Variants in DYNC1I1 observed in about 807,000 individuals in gnomAD.
DYNC1I1 encodes the protein dynein cytoplasmic 1 intermediate chain 1.
A neutral mutation model predicts 86.6 loss-of-function variants in DYNC1I1; 43 were observed. That is an observed-to-expected ratio of 0.50 (90% CI 0.39 to 0.64). DYNC1I1 has a LOEUF of 0.64. DYNC1I1 is among the 30% of genes least tolerant of loss of function. The pLI, the probability that DYNC1I1 is intolerant of heterozygous loss-of-function variation, is 0.00. For synonymous variants in DYNC1I1, 262 were observed against 283.7 expected, an observed-to-expected ratio of 0.92 and a Z score of 0.77; for missense variants, 604 against 788.8, an observed-to-expected ratio of 0.77 and a Z score of 2.81.
intron 6 of DYNC1I1, among the ~76,000 whole-genome samples, chr7:95,893,488 A>G (rs778732871): frequency 6.6e-6 from 1 of 152,220 alleles, no homozygotes; most frequent in Admixed American, 6.5e-5. Context: ...TCTAAAAATG[A>G]CAAATCTTAA....
intron 13 of DYNC1I1, among the ~76,000 whole-genome samples, 181 bp from the exon 14 acceptor site, chr7:96,039,096 G>A (rs1164438401): frequency 2.0e-5 from 3 of 152,174 alleles, no homozygotes; most frequent in Non-Finnish European, 4.4e-5. Context: ...GAAAAATAGG[G>A]TAACATATTT....
chr7:95,913,527 G>A (rs1255260415), intron 6 of DYNC1I1, among the ~76,000 whole-genome samples: 1 of 152,170 alleles, frequency 6.6e-6, no homozygotes, highest in East Asian at 1.9e-4. Flanking sequence ...GTTTTATAAA[G>A]GGCAGTTCCC....
intron 6 of DYNC1I1, among the ~76,000 whole-genome samples, chr7:95,887,880 T>C (rs1159282739): frequency 6.6e-6 from 1 of 152,124 alleles, no homozygotes. Context: ...TTAATCAGAC[T>C]CTCAAAGTTA....
intron 15 of DYNC1I1, among the ~76,000 whole-genome samples, chr7:96,079,767 A>AAG (rs1790456365): frequency 6.6e-6 from 1 of 152,126 alleles, no homozygotes. Context: ...GATTTAACAA[A>AAG]AGAGAGAGAA....
intron 10 of DYNC1I1, among the ~76,000 whole-genome samples, chr7:96,014,048 C>T (rs904062929): frequency 2.0e-5 from 3 of 152,078 alleles, no homozygotes; most frequent in East Asian, 1.9e-4. Context: ...TGTGTGTTAC[C>T]GTAAGGGCTG....
At chr7:95,872,347 T>C (rs1370643382) in intron 6 of DYNC1I1, among the ~76,000 whole-genome samples, 1 of 152,234 alleles carries the variant, frequency 6.6e-6, no homozygotes, top group Non-Finnish European at 1.5e-5. Flanking sequence ...TTGCCCACAA[T>C]GTAAGAAGGC....
Position 96,097,522 on chromosome 7 carries a change from A to G in DYNC1I1, c.1816A>G (p.Arg606Gly). Reference protein sequence around the residue: ...PHNDEWTRFARTLVEIRANRA... With the variant: ...PHNDEWTRFAGTLVEIRANRA... ...CAATGATGAATGGACCCGATTTGCC[A>G]GGACCCTTGTGGAAATTCGTGCTAA... The change falls in exon 17 of 17, where the codon AGG becomes GGG. Residue 606 changes from arginine (R) to glycine (G), a missense_variant. Transcript: ENST00000447467. The G allele has an allele frequency of 6.2e-7, 1 of 1,613,846 alleles. No homozygotes were observed. The highest frequency in any genetic ancestry group is 1.1e-5 in the South Asian group (1 of 91,076).
In DYNC1I1 at chr7:96,032,785, G is replaced by T. The variant is rs147715816; in HGVS notation, c.1230+5G>T. The T allele has an allele frequency of 3.1e-6, 5 of 1,611,080 alleles. No homozygotes were observed. In the Admixed American group the frequency reaches 5.0e-5, roughly 16 times the overall value. ...GACATGCTCTCAACTCCACAGGTGG[G>T]TTTGTTTTTCCCTACACATAACACC... On this transcript the variant is annotated splice_donor_5th_base_variant and intron_variant, in intron 12 of 16. Transcript: ENST00000447467.
intron 6 of DYNC1I1, among the ~76,000 whole-genome samples, chr7:95,970,464 C>T (rs910509541): frequency 1.3e-5 from 2 of 152,068 alleles, no homozygotes; most frequent in Non-Finnish European, 2.9e-5. Context: ...GAGATATATC[C>T]GAATCTGCAC....
intron 13 of DYNC1I1, among the ~76,000 whole-genome samples, chr7:96,038,379 A>G (rs552605414): frequency 3.9e-5 from 6 of 152,278 alleles, no homozygotes; most frequent in African/African-American, 1.4e-4. Context: ...ACATCTTCCT[A>G]ATTGTATATG....
At chr7:96,036,449 G>A (rs1220018598) in intron 13 of DYNC1I1, among the ~76,000 whole-genome samples, 1 of 152,166 alleles carries the variant, frequency 6.6e-6, no homozygotes, top group Admixed American at 6.5e-5. Flanking sequence ...GAAAATTAAA[G>A]TAGAATAAGT....
At chr7:95,969,826 A>G (rs947627753) in intron 6 of DYNC1I1, among the ~76,000 whole-genome samples, 1 of 152,124 alleles carries the variant, frequency 6.6e-6, no homozygotes, top group Admixed American at 6.6e-5. Context: ...TAGAGTGTTA[A>G]CAGGAGTGCT....
At chr7:95,885,117 C>T (rs1790559474) in intron 6 of DYNC1I1, among the ~76,000 whole-genome samples, 1 of 152,128 alleles carries the variant, frequency 6.6e-6, no homozygotes, top group African/African-American at 2.4e-5. Flanking sequence ...CCTGTGTTTT[C>T]TCCTGATCTG....
At chr7:95,947,927 C>T (rs887937711) in intron 6 of DYNC1I1, among the ~76,000 whole-genome samples, 4 of 150,602 alleles carry the variant, frequency 2.7e-5, no homozygotes, top group African/African-American at 9.8e-5. Flanking sequence ...AAATTCTCTC[C>T]ATCTTTTCAA....
At chr7:96,077,211 T>C (rs776585585) in intron 15 of DYNC1I1, among the ~76,000 whole-genome samples, 7 of 151,084 alleles carry the variant, frequency 4.6e-5, no homozygotes, top group Non-Finnish European at 1.0e-4. Flanking sequence ...AGCTGGAGGA[T>C]CTGAGGAGGA....
intron 6 of DYNC1I1, among the ~76,000 whole-genome samples, chr7:95,970,585 TTAA>T (rs3047693): frequency 0.012 from 1,798 of 152,252 alleles, 41 homozygotes; most frequent in African/African-American, 0.04. Context: ...CTGAATGTGA[TTAA>T]TATTTATTTA....
chr7:96,050,396 G>T (rs1405842877), intron 14 of DYNC1I1, among the ~76,000 whole-genome samples: 1 of 152,172 alleles, frequency 6.6e-6, no homozygotes, highest in Non-Finnish European at 1.5e-5. Flanking sequence ...CTCTACATGG[G>T]ATCTTAGAAA....
chr7:95,944,453 G>C (rs1792334957), intron 6 of DYNC1I1, among the ~76,000 whole-genome samples: 1 of 152,188 alleles, frequency 6.6e-6, no homozygotes, highest in South Asian at 2.1e-4. Context: ...AACCATTGTG[G>C]AAGTCAGTGT....
chr7:96,001,528 A>G (rs1383999398), intron 10 of DYNC1I1, among the ~76,000 whole-genome samples: 8 of 152,238 alleles, frequency 5.3e-5, no homozygotes, highest in African/African-American at 1.9e-4. Flanking sequence ...TTGGAGTCTG[A>G]GAAGTCCACA....
Sources: gnomAD v4.1 joint callset for allele counts (sites outside exome capture counted in the v4.1 genomes callset) on GRCh38, gnomAD v4.1.1 for gene constraint, MANE v1.5 for transcripts, NCBI Gene and HGNC (gene_info 2026-07-23, HGNC 2026-07-21) for gene names.